MAP3K10: variants seen among roughly 807,000 people sequenced by gnomAD.
The protein encoded by MAP3K10 is MKN28 derived nonreceptor_type serine/threonine kinase.
Under a neutral mutation model 75.0 loss-of-function variants are expected in MAP3K10, and 22 were observed. The observed-to-expected ratio is 0.29, with a 90% CI of 0.21 to 0.42. The LOEUF is 0.42. Ranked by LOEUF, MAP3K10 falls within the 10% of genes least tolerant of loss-of-function variation. The pLI is 1.00. For synonymous variants in MAP3K10, 599 were observed against 612.9 expected (o/e 0.98, Z 0.34); for missense variants, 1,165 against 1,379.8 (o/e 0.84, Z 2.47).
chr19:40,195,471 C>CTTTTTTTTTTTTTTTTTTTTT lies in MAP3K10; in HGVS notation c.682+2775_682+2795dup, dbSNP rs61289931. Among the ~76,000 whole-genome samples, 2 of 48,656 alleles carry CTTTTTTTTTTTTTTTTTTTTT rather than the reference C, an allele frequency of 4.1e-5. 1 individual carries two copies. The highest frequency in any genetic ancestry group is 1.2e-4 in the African/African-American group (2 of 17,198). 31.9% of individuals were successfully genotyped at this position (48,656 alleles called of 152,430 possible). On this transcript the variant is annotated intron_variant, in intron 1 of 9. Transcript: ENST00000253055. ...GAGGTAACACTGAAGCCCGCCCGGC[C>CTTTTTTTTTTTTTTTTTTTTT]TTTTTTTTTTTTTTTTTTTTTTTTT...
chr19:40,213,456 A>C lies in MAP3K10; in HGVS notation c.1838-61A>C. 4 of 1,585,664 alleles carry C rather than the reference A, an allele frequency of 2.5e-6. No individual in the cohort carries two copies. Among genetic ancestry groups the C allele is most frequent in the Non-Finnish European group, 3.4e-6 (4 of 1,170,810 alleles). Reference sequence around the variant, plus strand: ...GGGTCATCGGGGGCTGTCCCTTGGCACAAGTCCCCGTGGGGCCCTGGCCAG... The same window carrying C: ...GGGTCATCGGGGGCTGTCCCTTGGCCCAAGTCCCCGTGGGGCCCTGGCCAG... On this transcript the variant is annotated intron_variant, in intron 8 of 9. Coordinates refer to ENST00000253055, the MANE Select transcript of MAP3K10 (RefSeq NM_002446.4). This position sits in a 1 kb window ranked among gnomAD's most constrained non-coding sequence, Gnocchi z 5.7.
intron 1 of MAP3K10, among the ~76,000 whole-genome samples, chr19:40,194,346 A>C (rs1356773537): frequency 6.6e-6 from 1 of 152,058 alleles, no homozygotes; most frequent in Non-Finnish European, 1.5e-5. Flanking sequence ...TGACAGAGCA[A>C]GATTCCATCG....
Position 40,215,401 on chromosome 19 carries a change from T to A in MAP3K10, c.*109T>A. 1 of 1,003,058 alleles carries A rather than the reference T, an allele frequency of 1.0e-6. No homozygotes were observed. The highest frequency in any genetic ancestry group is 1.4e-6 in the Non-Finnish European group (1 of 694,408). The allele number at this position is 1,003,058 out of a possible 1,614,324, so 62.1% of individuals were successfully genotyped here. A position where few individuals can be genotyped will look rare whatever the true frequency, so the allele number is the denominator to read the frequency against. The stretch of plus-strand genomic sequence containing the variant: ...GAGGCCCTGGGCAGGATGTTCACTC[T>A]ATTTATTGGGGAAGGAGGGAGGGGG... On this transcript the variant is annotated 3_prime_UTR_variant, in exon 10 of 10. Transcript: ENST00000253055.
chr19:40,193,612 C>G (rs1050836327), intron 1 of MAP3K10, among the ~76,000 whole-genome samples: 46 of 152,332 alleles, frequency 3.0e-4, no homozygotes, highest in Non-Finnish European at 1.5e-5. Context: ...CAATTTCATT[C>G]ATTCATTCCA....
rs1415446995 is a variant in MAP3K10 at position 40,205,408 on chromosome 19, C to G, written c.1188+112C>G. The G allele has an allele frequency of 8.7e-7, 1 of 1,150,282 alleles. No homozygotes were observed. The highest frequency in any genetic ancestry group is 1.6e-5 in the South Asian group (1 of 64,060). 71.3% of individuals were successfully genotyped at this position (1,150,282 alleles called of 1,614,324 possible). On this transcript the variant is annotated intron_variant, in intron 4 of 9. Transcript: ENST00000253055. The surrounding 1 kb of genome is among the most constrained non-coding windows in gnomAD (Gnocchi z 4.3). ...CCCAGCCTTTGGGTCCATGCAGGGT[C>G]AAGGGAGCCTTTTTTGCATATTAAG... is the stretch of plus-strand genomic sequence containing the variant.
intron 5 of MAP3K10, among the ~76,000 whole-genome samples, chr19:40,207,840 C>T (rs1477525368): frequency 1.3e-5 from 2 of 152,192 alleles, no homozygotes; most frequent in Admixed American, 6.5e-5. Context: ...TCTTTGAAAT[C>T]CAGATGTATT....
intron 6 of MAP3K10, 68 bp downstream of exon 6, chr19:40,209,287 A>G: frequency 7.9e-7 from 1 of 1,263,010 alleles, no homozygotes; most frequent in Non-Finnish European, 1.1e-6. Flanking sequence ...CACGATGTTT[A>G]TACCTGGCAC....
rs778036298 is a variant in MAP3K10 at position 40,215,049 on chromosome 19, C to G, written c.2622C>G (p.Phe874Leu). 6.4e-7 allele frequency: 1 copy of G among 1,561,056 alleles called. No homozygotes were observed. The highest frequency in any genetic ancestry group is 8.7e-7 in the Non-Finnish European group (1 of 1,148,836). ...LFPARRRPPE[F>L]PGRPTTLTFA... Reference sequence around the variant, plus strand: ...CAGCCCGCCGCCGGCCCCCTGAGTTCCCAGGCCGCCCCACCACCCTGACCT... The same window carrying G: ...CAGCCCGCCGCCGGCCCCCTGAGTTGCCAGGCCGCCCCACCACCCTGACCT... Residue 874 changes from phenylalanine to leucine, a missense_variant, in exon 10 of 10, where the codon TTC becomes TTG. By Grantham distance (22) the Phe-to-Leu change is conservative (BLOSUM62 0). Coordinates refer to ENST00000253055, the MANE Select transcript of MAP3K10 (RefSeq NM_002446.4).
Position 40,209,089 on chromosome 19 carries a change from C to G in MAP3K10, c.1436-14C>G. 6.3e-7 allele frequency: 1 copy of G among 1,598,148 alleles called. No individual in the cohort carries two copies. The highest frequency in any genetic ancestry group is 8.6e-7 in the Non-Finnish European group (1 of 1,165,748). On this transcript the variant is annotated splice_polypyrimidine_tract_variant and intron_variant, in intron 5 of 9. Coordinates refer to ENST00000253055, the MANE Select transcript of MAP3K10 (RefSeq NM_002446.4). ...GAACCATTTGCTTAGGAAAGCTTCT[C>G]TTTCTTTCTGCAGGCTTTGAGCATA...
intron 6 of MAP3K10, 46 bp downstream of exon 6, chr19:40,209,265 A>G (rs756902433): frequency 6.7e-7 from 1 of 1,499,336 alleles, no homozygotes. Context: ...TCAGTGAACA[A>G]ACATTTTTTA....
chr19:40,208,271 A>G (rs1413804545), intron 5 of MAP3K10, among the ~76,000 whole-genome samples: 15 of 149,078 alleles, frequency 1.0e-4, no homozygotes, highest in Non-Finnish European at 1.6e-4. Flanking sequence ...TCCCAGGTTC[A>G]TGCCATTCTC....
intron 1 of MAP3K10, among the ~76,000 whole-genome samples, chr19:40,193,510 G>A (rs953856374): frequency 6.6e-6 from 1 of 152,208 alleles, no homozygotes; most frequent in Non-Finnish European, 1.5e-5. Flanking sequence ...TTCATGTGGT[G>A]TCAACAAGTA....
chr19:40,206,441 T>G, intron 5 of MAP3K10: 3 of 269,568 alleles, frequency 1.1e-5, no homozygotes, highest in Admixed American at 5.2e-5. Flanking sequence ...CTGGCCACGT[T>G]GGCATGCACT....
At position 40,198,382 on chromosome 19, in the gene MAP3K10, C is replaced by G; in HGVS notation, c.690C>G (p.Ile230Met). 6.2e-7 allele frequency: 1 copy of G among 1,612,564 alleles called. No individual in the cohort carries two copies. ...HRDLKSINIL[I>M]LEAIENHNLA... ...TTTCTTCCCACCCCACAGTCCTGAT[C>G]CTGGAGGCCATCGAGAACCACAACC... The change falls in exon 2 of 10, where the codon ATC becomes ATG. Residue 230 changes from isoleucine (I) to methionine (M), a missense_variant. Physicochemically the swap from Ile to Met is conservative, Grantham distance 10 (BLOSUM62 1). Around this residue, in one of 2 missense-constraint regions of MAP3K10, gnomAD observed 575 missense variants for 793.2 expected, o/e 0.72. Coordinates refer to ENST00000253055, the MANE Select transcript of MAP3K10 (RefSeq NM_002446.4). This position sits in a 1 kb window ranked among gnomAD's most constrained non-coding sequence, Gnocchi z 4.3.
rs1295366328 is a variant in MAP3K10, at chr19:40,204,892, T to C, written c.1013-229T>C. 9.7e-6 allele frequency: 6 copies of C among 616,162 alleles called. No individual in the cohort carries two copies. Among genetic ancestry groups the C allele is most frequent in the Non-Finnish European group, 1.7e-5 (6 of 353,612 alleles). The allele number at this position is 616,162 out of a possible 1,614,324, so 38.2% of individuals were successfully genotyped here. A position where few individuals can be genotyped will look rare whatever the true frequency, so the allele number is the denominator to read the frequency against. ...CCCTGGGATTCCACCTTGATCCTGATTCCACTACCAGCCCCTCCTCGGGGT... is the reference window on the plus strand; with the variant it reads ...CCCTGGGATTCCACCTTGATCCTGACTCCACTACCAGCCCCTCCTCGGGGT... On this transcript the variant is annotated intron_variant, in intron 3 of 9. Coordinates refer to ENST00000253055, the MANE Select transcript of MAP3K10 (RefSeq NM_002446.4). The surrounding 1 kb of genome is among the most constrained non-coding windows in gnomAD (Gnocchi z 4.3).
Position 40,205,381 on chromosome 19 carries a change from A to G in MAP3K10, c.1188+85A>G, listed in dbSNP as rs1973100426. On this transcript the variant is annotated intron_variant, in intron 4 of 9. Transcript: ENST00000253055. This position sits in a 1 kb window ranked among gnomAD's most constrained non-coding sequence, Gnocchi z 4.3. ...GGCTGCTCAGAGACTCCTCCCCTGA[A>G]CCCCAGCCTTTGGGTCCATGCAGGG... The G allele has an allele frequency of 6.9e-7, 1 of 1,446,228 alleles. No homozygotes were observed. Among genetic ancestry groups the G allele is most frequent in the Admixed American group, 1.9e-5 (1 of 51,492 alleles). The allele number at this position is 1,446,228 out of a possible 1,614,324, so 89.6% of individuals were successfully genotyped here.
chr19:40,212,670 A>G lies in MAP3K10; in HGVS notation c.1553-135A>G, dbSNP rs1599916536. 2.8e-6 allele frequency: 3 copies of G among 1,067,264 alleles called. No individual in the cohort carries two copies. The South Asian group carries it at 4.8e-5, about 17-fold the overall frequency. The allele number at this position is 1,067,264 out of a possible 1,614,324, so 66.1% of individuals were successfully genotyped here. ...GGCTATGGGGAGATATATAGCAGGG[A>G]GGGTCATGACTGGAGTTCAAAAGAG... is the stretch of plus-strand genomic sequence containing the variant. On this transcript the variant is annotated intron_variant, in intron 6 of 9. Coordinates refer to ENST00000253055, the MANE Select transcript of MAP3K10 (RefSeq NM_002446.4). The surrounding 1 kb of genome is among the most constrained non-coding windows in gnomAD (Gnocchi z 4.2).
At chr19:40,211,504 A>G (rs1017102096) in intron 6 of MAP3K10, among the ~76,000 whole-genome samples, 2 of 150,916 alleles carry the variant, frequency 1.3e-5, no homozygotes, top group Non-Finnish European at 3.0e-5. Context: ...TGCATTAGCT[A>G]TTTTTCCTAA....
chr19:40,205,386 A>G lies in MAP3K10; in HGVS notation c.1188+90A>G. 1 of 1,403,154 alleles carries G rather than the reference A, an allele frequency of 7.1e-7. No homozygotes were observed. Among genetic ancestry groups the G allele is most frequent in the Non-Finnish European group, 9.9e-7 (1 of 1,014,356 alleles). 86.9% of individuals were successfully genotyped at this position (1,403,154 alleles called of 1,614,324 possible). On this transcript the variant is annotated intron_variant, in intron 4 of 9. Transcript: ENST00000253055. The surrounding 1 kb of genome is among the most constrained non-coding windows in gnomAD (Gnocchi z 4.3). ...CTCAGAGACTCCTCCCCTGAACCCC[A>G]GCCTTTGGGTCCATGCAGGGTCAAG...
Sources: allele counts gnomAD v4.1 joint callset (sites outside exome capture counted in the v4.1 genomes callset), GRCh38; gene constraint gnomAD v4.1.1; regional missense constraint gnomAD v4.1.1; non-coding constraint Gnocchi (gnomAD v3.1); transcripts MANE v1.5; gene names NCBI Gene and HGNC (gene_info 2026-07-23, HGNC 2026-07-21).